The following CD68 variants were observed in gnomAD, a reference collection of about 807,000 sequenced individuals.
The protein encoded by CD68 is CD68 molecule, also known as macrosialin.
A neutral mutation model predicts 31.3 loss-of-function variants in CD68; 24 were observed. The ratio of observed to expected loss-of-function variants is 0.77; its 90% CI spans 0.55 to 1.08. The LOEUF (loss-of-function observed/expected upper bound fraction) is 1.08, where lower values mean the gene tolerates loss of function less well. Among genes scored for constraint, CD68 ranks in the 50% least tolerant of loss-of-function variants. CD68 has a pLI of 0.00. For synonymous variants in CD68, 190 were observed against 179.6 expected (o/e 1.06, Z -0.46); for missense variants, 461 against 442.5 (o/e 1.04, Z -0.38).
rs1597854522 is a variant in CD68, at chr17:7,579,803, C to T, written c.50-7C>T. On this transcript the variant is annotated splice_polypyrimidine_tract_variant and splice_region_variant and intron_variant, in intron 1 of 5. Transcript: ENST00000250092. ...TGGGTTGCTAACCATCTCCTCTCTGCCAAAAGCCCAGGGGACAGGGAATGA... is the reference window on the plus strand; with the variant it reads ...TGGGTTGCTAACCATCTCCTCTCTGTCAAAAGCCCAGGGGACAGGGAATGA... The T allele has an allele frequency of 1.2e-6, 2 of 1,610,590 alleles. No homozygotes were observed. Among genetic ancestry groups the T allele is most frequent in the Non-Finnish European group, 1.7e-6 (2 of 1,177,764 alleles).
chr17:7,581,206 T>A, intron 5 of CD68, 140 bp downstream of exon 5: 1 of 1,164,416 alleles, frequency 8.6e-7, no homozygotes, highest in Non-Finnish European at 1.3e-6. Context: ...AGGGCAGCTT[T>A]CTTTCCATCC....
Position 7,580,670 on chromosome 17 carries a change from T to G in CD68, c.688-41T>G. On this transcript the variant is annotated intron_variant, in intron 3 of 5. Transcript: ENST00000250092. The surrounding 1 kb of genome is among the most constrained non-coding windows in gnomAD (Gnocchi z 4.3). ...ATCCCACACGCTACTCCTTCCTCTG[T>G]GGAGAGGGATACCACCTGCGCCTTC... 1 of 1,613,454 alleles carries G rather than the reference T, an allele frequency of 6.2e-7. No individual in the cohort carries two copies. The highest frequency in any genetic ancestry group is 1.1e-5 in the South Asian group (1 of 91,064).
chr17:7,581,088 C>T lies in CD68; in HGVS notation c.931+22C>T, dbSNP rs1288545922. 8 of 1,603,036 alleles carry T rather than the reference C, an allele frequency of 5.0e-6. No homozygotes were observed. In the South Asian group the frequency reaches 6.6e-5, roughly 13 times the overall value. ...CAAAGTAAGACCTACCTACTCCTTC[C>T]CTCCTAGAATCCTCCCACTGCACTG... On this transcript the variant is annotated intron_variant, in intron 5 of 5. Coordinates refer to ENST00000250092, the MANE Select transcript of CD68 (RefSeq NM_001251.3).
rs540773036 is a variant in CD68, at chr17:7,581,802, C to A, written c.*291C>A. The stretch of plus-strand genomic sequence containing the variant: ...GGTGTGGCGGCGTAATCCCAGCTGG[C>A]CTGTAATCCCAGCTACTTGGGAGGC... On this transcript the variant is annotated 3_prime_UTR_variant, in exon 6 of 6. Coordinates refer to ENST00000250092, the MANE Select transcript of CD68 (RefSeq NM_001251.3). 4 of 346,386 alleles carry A rather than the reference C, an allele frequency of 1.2e-5. No homozygotes were observed. The highest frequency in any genetic ancestry group is 6.3e-5 in the African/African-American group (3 of 47,618). The allele number at this position is 346,386 out of a possible 1,614,324, so 21.5% of individuals were successfully genotyped here.
chr17:7,579,948 G>A lies in CD68; in HGVS notation c.188G>A (p.Arg63Lys). ...AAGAGCCACAAAACCACCACTCACA[G>A]GACAACCACCACAGGCACCACCAGC... ...TTKSHKTTTH[R>K]TTTTGTTSHG... Residue 63 changes from arginine (R) to lysine (K), a missense_variant, in exon 2 of 6, where the codon AGG (arginine) becomes AAG (lysine). Coordinates refer to ENST00000250092, the MANE Select transcript of CD68 (RefSeq NM_001251.3). 2 of 1,613,648 alleles carry A rather than the reference G, an allele frequency of 1.2e-6. No individual in the cohort carries two copies. Among genetic ancestry groups the A allele is most frequent in the Non-Finnish European group, 1.7e-6 (2 of 1,179,796 alleles).
intron 5 of CD68, 142 bp from the exon 6 acceptor site, chr17:7,581,236 T>A: frequency 7.5e-6 from 9 of 1,193,640 alleles, no homozygotes; most frequent in Non-Finnish European, 1.1e-5. Flanking sequence ...CTCTGCCAGT[T>A]TCCCCCTTTT....
In CD68 at chr17:7,580,647, C is replaced by T. The variant is rs762287329; in HGVS notation, c.687+62C>T. On this transcript the variant is annotated intron_variant, in intron 3 of 5. Transcript: ENST00000250092. This position sits in a 1 kb window ranked among gnomAD's most constrained non-coding sequence, Gnocchi z 4.3. The stretch of plus-strand genomic sequence containing the variant: ...CTCCCGGCGCCCCTCCCCTCCCAAT[C>T]CCACACGCTACTCCTTCCTCTGTGG... The T allele has an allele frequency of 1.1e-4, 174 of 1,613,530 alleles. No homozygotes were observed. The highest frequency in any genetic ancestry group is 5.6e-5 in the Non-Finnish European group (66 of 1,179,700).
Position 7,580,552 on chromosome 17 carries a change from C to A in CD68, c.654C>A (p.Phe218Leu). 1 of 1,614,050 alleles carries A rather than the reference C, an allele frequency of 6.2e-7. No individual in the cohort carries two copies. Among genetic ancestry groups the A allele is most frequent in the Non-Finnish European group, 8.5e-7 (1 of 1,180,008 alleles). ...CCCATCCCCACCTGCTTCTCTCATT[C>A]CCCTATGGACACCTCAGCTTTGGAT... ...EGAHPHLLLS[F>L]PYGHLSFGFM... is the part of the protein sequence containing the mutation. The change falls in exon 3 of 6, where the codon TTC becomes TTA. Residue 218 changes from phenylalanine (F) to leucine (L), a missense_variant. Physicochemically the swap from Phe to Leu is conservative, Grantham distance 22 (BLOSUM62 0). Coordinates refer to ENST00000250092, the MANE Select transcript of CD68 (RefSeq NM_001251.3). The surrounding 1 kb of genome is among the most constrained non-coding windows in gnomAD (Gnocchi z 4.3).
chr17:7,580,965 G>T lies in CD68; in HGVS notation c.830G>T (p.Cys277Phe). The T allele has an allele frequency of 6.2e-7, 1 of 1,614,058 alleles. No individual in the cohort carries two copies. The highest frequency in any genetic ancestry group is 8.5e-7 in the Non-Finnish European group (1 of 1,180,008). ...GCACCCCTGGGGCAGAGCTTCAGTTGCAGCAACTCGAGCATCATTCTTTCA... is the reference window on the plus strand; with the variant it reads ...GCACCCCTGGGGCAGAGCTTCAGTTTCAGCAACTCGAGCATCATTCTTTCA... ...LQAPLGQSFS[C>F]SNSSIILSPA... The change falls in exon 5 of 6, where the codon TGC becomes TTC. Residue 277 changes from cysteine (C) to phenylalanine (F), a missense_variant. Physicochemically the swap from Cys to Phe is radical, Grantham distance 205. Coordinates refer to ENST00000250092, the MANE Select transcript of CD68 (RefSeq NM_001251.3). The surrounding 1 kb of genome is among the most constrained non-coding windows in gnomAD (Gnocchi z 4.3).
At position 7,579,701 on chromosome 17, in the gene CD68, G is replaced by C; in HGVS notation, c.24G>C (p.Ser8=). Residue 8 remains serine, a synonymous_variant, in exon 1 of 6, where the codon TCG becomes TCC. Transcript: ENST00000250092. ...CCATGAGGCTGGCTGTGCTTTTCTC[G>C]GGGGCCCTGCTGGGGCTACTGGCAG... MRLAVLF[S]GALLGLLAAQ... is the part of the protein sequence containing the mutation. 1 of 1,603,214 alleles carries C rather than the reference G, an allele frequency of 6.2e-7. No individual in the cohort carries two copies. The highest frequency in any genetic ancestry group is 8.5e-7 in the Non-Finnish European group (1 of 1,176,046).
chr17:7,581,390 C>T lies in CD68; in HGVS notation c.944C>T (p.Pro315Leu). Residue 315 changes from proline to leucine, a missense_variant, in exon 6 of 6, where the codon CCC becomes CTC. By Grantham distance (98) the Pro-to-Leu change is moderately conservative (BLOSUM62 -3). Coordinates refer to ENST00000250092, the MANE Select transcript of CD68 (RefSeq NM_001251.3). The stretch of plus-strand genomic sequence containing the variant: ...ATCCTTCCGCCAGGTTTCTCCTGCC[C>T]CAGTGACCGGTCCATCTTGCTGCCT... ...TGVFGQSFSC[P>L]SDRSILLPLI... The T allele has an allele frequency of 6.2e-7, 1 of 1,614,160 alleles. No homozygotes were observed.
Position 7,580,821 on chromosome 17 carries a change from G to C in CD68, c.760+38G>C. On this transcript the variant is annotated intron_variant, in intron 4 of 5. Transcript: ENST00000250092. This position sits in a 1 kb window ranked among gnomAD's most constrained non-coding sequence, Gnocchi z 4.3. ...CTTCCCTTTCTCATTGCTACCACTA[G>C]ACGCCAGGGTTCCTGAAAGGACTAA... 5 of 1,613,668 alleles carry C rather than the reference G, an allele frequency of 3.1e-6. No individual in the cohort carries two copies. The highest frequency in any genetic ancestry group is 4.2e-6 in the Non-Finnish European group (5 of 1,179,660).
chr17:7,579,659 T>G lies in CD68; in HGVS notation c.-19T>G. ...TGGTGCAGACAGCCTAGCTGGACTT[T>G]GGGTGAGGCGGTTCAGCCATGAGGC... On this transcript the variant is annotated 5_prime_UTR_variant, in exon 1 of 6. Transcript: ENST00000250092. 1 of 1,600,770 alleles carries G rather than the reference T, an allele frequency of 6.2e-7. No homozygotes were observed. Among genetic ancestry groups the G allele is most frequent in the Non-Finnish European group, 8.5e-7 (1 of 1,174,768 alleles).
rs778473437 is a variant in CD68 at position 7,579,745 on chromosome 17, G to T, written c.49+19G>T. 2 of 1,603,368 alleles carry T rather than the reference G, an allele frequency of 1.2e-6. No individual in the cohort carries two copies. Among genetic ancestry groups the T allele is most frequent in the Non-Finnish European group, 1.7e-6 (2 of 1,174,754 alleles). ...CTGGCAGGTAAGGAGGAAGGAGGCT[G>T]AGGGGAGGGGGCCCCTGGGAGGGAG... On this transcript the variant is annotated intron_variant, in intron 1 of 5. Transcript: ENST00000250092.
At position 7,580,075 on chromosome 17, in the gene CD68, A is replaced by G. The variant is rs747137294; in HGVS notation, c.315A>G (p.Ser105=). Residue 105 remains serine (S), a synonymous_variant, in exon 2 of 6, where the codon TCA becomes TCG. Transcript: ENST00000250092. The surrounding 1 kb of genome is among the most constrained non-coding windows in gnomAD (Gnocchi z 4.3). The part of the protein sequence containing the change: ...SNSTATSQGP[S]TATHSPATTS... Reference sequence around the variant, plus strand: ...GCACTGCCACCAGCCAGGGACCCTCAACTGCCACTCACAGTCCTGCCACCA... The same window carrying G: ...GCACTGCCACCAGCCAGGGACCCTCGACTGCCACTCACAGTCCTGCCACCA... The G allele has an allele frequency of 6.2e-7, 1 of 1,613,646 alleles. No individual in the cohort carries two copies. The highest frequency in any genetic ancestry group is 8.5e-7 in the Non-Finnish European group (1 of 1,179,920).
intron 5 of CD68, 144 bp from the exon 6 acceptor site, chr17:7,581,234 G>A (rs1337249378): frequency 1.7e-6 from 2 of 1,202,078 alleles, no homozygotes; most frequent in East Asian, 4.7e-5. Flanking sequence ...GACTCTGCCA[G>A]TTTCCCCCTT....
chr17:7,580,382 CAGAG>C lies in CD68; in HGVS notation c.567+56_567+59del. 1 of 1,609,028 alleles carries C rather than the reference CAGAG, an allele frequency of 6.2e-7. No homozygotes were observed. The highest frequency in any genetic ancestry group is 8.5e-7 in the Non-Finnish European group (1 of 1,176,592). ...AGGGAGGCAGGACTGGATATAGGCT[CAGAG>C]GGAAGAAGGAAGAGGGGACAGGGAA... On this transcript the variant is annotated intron_variant, in intron 2 of 5. Transcript: ENST00000250092. This position sits in a 1 kb window ranked among gnomAD's most constrained non-coding sequence, Gnocchi z 4.3.
chr17:7,580,704 C>T lies in CD68; in HGVS notation c.688-7C>T, dbSNP rs1212196501. ...ATACCACCTGCGCCTTCCTCTTCGC[C>T]CCACAGGACCTCCAGCAGAAGGTTG... On this transcript the variant is annotated splice_polypyrimidine_tract_variant and splice_region_variant and intron_variant, in intron 3 of 5. Transcript: ENST00000250092. This position sits in a 1 kb window ranked among gnomAD's most constrained non-coding sequence, Gnocchi z 4.3. 6.2e-7 allele frequency: 1 copy of T among 1,614,052 alleles called. No individual in the cohort carries two copies. Among genetic ancestry groups the T allele is most frequent in the Non-Finnish European group, 8.5e-7 (1 of 1,180,006 alleles).
intron 5 of CD68, 23 bp from the exon 6 acceptor site, chr17:7,581,355 T>C (rs1438177444): frequency 1.2e-6 from 2 of 1,613,990 alleles, no homozygotes; most frequent in South Asian, 2.2e-5. Context: ...TGCAAATACC[T>C]ACCTGCCCTA....
Sources: gnomAD v4.1 joint callset for allele counts on GRCh38, gnomAD v4.1.1 for gene constraint, Gnocchi (gnomAD v3.1) non-coding constraint, MANE v1.5 for transcripts, NCBI Gene and HGNC (gene_info 2026-07-23, HGNC 2026-07-21) for gene names.